The following UTRN variants were observed in gnomAD, a reference collection of about 807,000 sequenced individuals.
UTRN encodes the protein utrophin, also known as dystrophin-related protein 1.
Under a neutral mutation model 463.9 loss-of-function variants are expected in UTRN, and 283 were observed. That is an observed-to-expected ratio of 0.61 (90% confidence interval 0.55 to 0.67). The LOEUF is 0.67. Ranked by LOEUF, UTRN falls within the 30% of genes least tolerant of loss-of-function variation. The pLI, the probability that UTRN is intolerant of heterozygous loss-of-function variation, is 0.00. For synonymous variants in UTRN, 1,442 were observed against 1,431.5 expected (o/e 1.01, Z -0.17); for missense variants, 3,922 against 4,084.3 (o/e 0.96, Z 1.08).
At chr6:144,451,920 T>C (rs1233409989) in intron 18 of UTRN, among the ~76,000 whole-genome samples, 2 of 152,184 alleles carry the variant, frequency 1.3e-5, no homozygotes, top group Non-Finnish European at 2.9e-5. Flanking sequence ...TTGTAAAAAA[T>C]AAATACAATT....
At chr6:144,440,537 C>T (rs1787048823) in intron 13 of UTRN, 66 bp downstream of exon 13, 3 of 1,595,028 alleles carry the variant, frequency 1.9e-6, no homozygotes, top group East Asian at 4.5e-5. Flanking sequence ...TACATATTGC[C>T]CTTGTTCTTC....
intron 2 of UTRN, among the ~76,000 whole-genome samples, chr6:144,313,034 C>T (rs1407130610): frequency 1.3e-5 from 2 of 152,150 alleles, no homozygotes; most frequent in African/African-American, 4.8e-5. Flanking sequence ...GGGAAGGTGG[C>T]TCCGCTTCAT....
At chr6:144,794,071 T>G in intron 63 of UTRN, 80 bp downstream of exon 63, 1 of 1,536,934 alleles carries the variant, frequency 6.5e-7, no homozygotes, top group Non-Finnish European at 8.8e-7. Flanking sequence ...AATAGGGAAC[T>G]CGGGCTGGAG....
intron 50 of UTRN, among the ~76,000 whole-genome samples, chr6:144,572,953 G>T (rs965731225): frequency 2.6e-5 from 4 of 152,140 alleles, no homozygotes; most frequent in African/African-American, 9.7e-5. Flanking sequence ...TCTGGTTCTA[G>T]ATCCTTGAGG....
chr6:144,404,908 C>T (rs575852808), intron 3 of UTRN, among the ~76,000 whole-genome samples: 1 of 152,198 alleles, frequency 6.6e-6, no homozygotes, highest in Admixed American at 6.5e-5. Flanking sequence ...ATTAAATGAA[C>T]TTGATATTTA....
intron 51 of UTRN, among the ~76,000 whole-genome samples, chr6:144,646,961 A>G (rs1778365481): frequency 6.6e-6 from 1 of 152,194 alleles, no homozygotes; most frequent in Non-Finnish European, 1.5e-5. Flanking sequence ...TTAGAAATAT[A>G]GTCAAAATAG....
intron 69 of UTRN, among the ~76,000 whole-genome samples, chr6:144,832,490 A>G (rs1780751939): frequency 6.6e-6 from 1 of 152,194 alleles, no homozygotes; most frequent in South Asian, 2.1e-4. Context: ...TTCACTATGG[A>G]TAGTCAGTCT....
At chr6:144,650,345 C>CA (rs1166886553) in intron 51 of UTRN, among the ~76,000 whole-genome samples, 1 of 152,034 alleles carries the variant, frequency 6.6e-6, no homozygotes, top group Non-Finnish European at 1.5e-5. Context: ...CAAGAAATAT[C>CA]AAAAAATATT....
intron 2 of UTRN, among the ~76,000 whole-genome samples, chr6:144,293,264 G>A (rs1804404630): frequency 6.6e-6 from 1 of 151,988 alleles, no homozygotes; most frequent in African/African-American, 2.4e-5. Context: ...ATTGTGAGGA[G>A]GTATATTCCT....
At chr6:144,606,894 T>C (rs1804910452) in intron 51 of UTRN, among the ~76,000 whole-genome samples, 1 of 152,178 alleles carries the variant, frequency 6.6e-6, no homozygotes, top group Non-Finnish European at 1.5e-5. Context: ...CAGAGAGAGA[T>C]CTGTTACCCA....
At chr6:144,595,053 T>C (rs1240107721) in intron 51 of UTRN, among the ~76,000 whole-genome samples, 1 of 152,176 alleles carries the variant, frequency 6.6e-6, no homozygotes, top group African/African-American at 2.4e-5. Context: ...TTATTTAGAA[T>C]ACAGTACAAG....
chr6:144,344,190 T>G (rs1777380647), intron 2 of UTRN: 1 of 1,302,562 alleles, frequency 7.7e-7, no homozygotes, highest in South Asian at 1.2e-5. Flanking sequence ...TTTTTCCTCA[T>G]CATCTAAGCA....
intron 53 of UTRN, among the ~76,000 whole-genome samples, chr6:144,719,483 AG>A (rs1786869990): frequency 6.6e-6 from 1 of 152,196 alleles, no homozygotes; most frequent in Admixed American, 6.5e-5. Flanking sequence ...AGGCTAAGGC[AG>A]GAGAATCGCT....
Position 144,800,618 on chromosome 6 carries a change from GT to G in UTRN, c.9246-2415del, listed in dbSNP as rs1376397017. Reference sequence around the variant, plus strand: ...AGATACTTGGCCTGCTTGAACCTGAGTTTCTTCAACTTCAAATTCTATGAGT... The same window carrying G: ...AGATACTTGGCCTGCTTGAACCTGAGTTCTTCAACTTCAAATTCTATGAGT... On this transcript the variant is annotated intron_variant, in intron 64 of 74. Coordinates refer to ENST00000367545, the MANE Select transcript of UTRN (RefSeq NM_007124.3). Among the ~76,000 whole-genome samples, 6 of 152,254 alleles carry G rather than the reference GT, an allele frequency of 3.9e-5. No homozygotes were observed. The South Asian group carries it at 1.0e-3, about 26-fold the overall frequency.
intron 2 of UTRN, among the ~76,000 whole-genome samples, chr6:144,320,298 T>C (rs912745972): frequency 1.3e-5 from 2 of 152,238 alleles, no homozygotes; most frequent in African/African-American, 4.8e-5. Context: ...CTTTTGTTAT[T>C]ATTATTACTA....
At chr6:144,663,982 T>A (rs1780138159) in intron 51 of UTRN, among the ~76,000 whole-genome samples, 1 of 152,192 alleles carries the variant, frequency 6.6e-6, no homozygotes, top group Admixed American at 6.5e-5. Context: ...AGTGTATAGA[T>A]GGAGAAGACA....
intron 51 of UTRN, among the ~76,000 whole-genome samples, chr6:144,636,336 A>C (rs6924606): frequency 0.021 from 3,222 of 152,164 alleles, 119 homozygotes; most frequent in African/African-American, 0.072. Context: ...GTGGGAGTTG[A>C]ACAATGAGAA....
At chr6:144,611,544 A>G (rs1043101480) in intron 51 of UTRN, among the ~76,000 whole-genome samples, 20 of 152,206 alleles carry the variant, frequency 1.3e-4, no homozygotes, top group African/African-American at 3.6e-4. Context: ...AAAAATCAGC[A>G]GTGTTTTCAT....
At chr6:144,412,791 AG>A (rs747430607) in intron 3 of UTRN, among the ~76,000 whole-genome samples, 4,249 of 147,200 alleles carry the variant, frequency 0.029, 201 homozygotes, top group African/African-American at 0.1. Context: ...ACACACACAC[AG>A]TAAACAATGG....
Sources: gnomAD v4.1 joint callset for allele counts (sites outside exome capture counted in the v4.1 genomes callset) on GRCh38, gnomAD v4.1.1 for gene constraint, MANE v1.5 for transcripts, NCBI Gene and HGNC (gene_info 2026-07-23, HGNC 2026-07-21) for gene names.